The following RAB27A variants were observed in gnomAD, a reference collection of about 807,000 sequenced individuals.
RAB27A encodes the protein RAB27A, member RAS oncogene family, also known as ras-related protein Rab-27A.
In RAB27A, 17 loss-of-function variants were observed where a neutral mutation model predicts 20.8. The ratio of observed to expected loss-of-function variants is 0.82; its 90% confidence interval spans 0.56 to 1.23. The LOEUF (loss-of-function observed/expected upper bound fraction) is 1.23, where lower values mean the gene tolerates loss of function less well. RAB27A is among the 50% of genes most tolerant of loss of function. RAB27A has a pLI of 0.00. For synonymous variants in RAB27A, 85 were observed against 92.8 expected (o/e 0.92, Z 0.48); for missense variants, 277 against 266.7 (o/e 1.04, Z -0.27).
intron 2 of RAB27A, among the ~76,000 whole-genome samples, chr15:55,269,486 C>T (rs1276040577): frequency 1.6e-4 from 24 of 152,156 alleles, no homozygotes; most frequent in Non-Finnish European, 2.4e-4. Flanking sequence ...GTGGCTCATG[C>T]CTGTAATCCC....
chr15:55,205,236 C>G lies in RAB27A; in HGVS notation c.*271G>C. The G allele has an allele frequency of 2.1e-6, 1 of 479,656 alleles. No individual in the cohort carries two copies. The highest frequency in any genetic ancestry group is 3.8e-6 in the Non-Finnish European group (1 of 262,310). The allele number at this position is 479,656 out of a possible 1,614,324, so 29.7% of individuals were successfully genotyped here. On this transcript the variant is annotated 3_prime_UTR_variant, in exon 7 of 7. Coordinates refer to ENST00000336787, the MANE Select transcript of RAB27A (RefSeq NM_183235.3). ...TTCTGTGACTGCAAAATTCTGAATC[C>G]TTGAATGATTTACTATAATAGGCTA... is the stretch of plus-strand genomic sequence containing the variant.
rs150238888 is a variant in RAB27A at position 55,253,579 on chromosome 15, C to T, written c.-23+16586G>A. ...TTAGTCCCCCAAGGCCATACCTTGT[C>T]TCTGTCCTCAGCTAAGCCCAGGATA... On this transcript the variant is annotated intron_variant, in intron 2 of 6. Coordinates refer to ENST00000336787, the MANE Select transcript of RAB27A (RefSeq NM_183235.3). Among the ~76,000 whole-genome samples, 236 of 152,306 alleles carry T rather than the reference C, an allele frequency of 1.5e-3. 1 individual carries two copies. The highest frequency in any genetic ancestry group is 5.5e-3 in the African/African-American group (227 of 41,566).
intron 1 of RAB27A, among the ~76,000 whole-genome samples, chr15:55,279,607 G>A (rs1332497473): frequency 6.6e-6 from 1 of 152,068 alleles, no homozygotes; most frequent in Non-Finnish European, 1.5e-5. Context: ...TGTAAAATAG[G>A]GATAATAATA....
chr15:55,292,416 G>A (rs2054926860), upstream of RAB27A, among the ~76,000 whole-genome samples: 1 of 152,238 alleles, frequency 6.6e-6, no homozygotes, highest in South Asian at 2.1e-4. Flanking sequence ...CTAAGAATGG[G>A]TCTGAGAGGT....
At chr15:55,220,381 T>C (rs189789473) in intron 6 of RAB27A, among the ~76,000 whole-genome samples, 5 of 152,302 alleles carry the variant, frequency 3.3e-5, no homozygotes, top group Admixed American at 1.3e-4. Context: ...GCGATTCTCC[T>C]GCCTCAGCCT....
chr15:55,249,468 AG>A (rs1208966860), intron 2 of RAB27A, among the ~76,000 whole-genome samples: 2 of 152,122 alleles, frequency 1.3e-5, no homozygotes, highest in Non-Finnish European at 2.9e-5. Flanking sequence ...TTGGAAGACA[AG>A]GTGTCACTAT....
chr15:55,204,266 C>T lies in RAB27A; in HGVS notation c.*1241G>A, dbSNP rs1894536724. The T allele has an allele frequency of 6.6e-6, 1 of 152,146 alleles. No individual in the cohort carries two copies. The highest frequency in any genetic ancestry group is 2.4e-5 in the African/African-American group (1 of 41,422). The allele number at this position is 152,146 out of a possible 1,614,324, so 9.4% of individuals were successfully genotyped here. ...TTCCATGAAACATATATTAAAACCA[C>T]CTTTAATTTGGTATGAAGACACTTT... On this transcript the variant is annotated 3_prime_UTR_variant, in exon 7 of 7. Coordinates refer to ENST00000336787, the MANE Select transcript of RAB27A (RefSeq NM_183235.3).
rs542175249 is a variant in RAB27A at position 55,208,284 on chromosome 15, C to T, written c.468-2579G>A. 3.9e-5 allele frequency among the ~76,000 whole-genome samples: 6 copies of T among 152,282 alleles called. No homozygotes were observed. The South Asian group carries it at 6.2e-4, about 16-fold the overall frequency. ...CAATTACACATCATTATAAAAACAT[C>T]TATGTAGTAAAAGTACAACTTCTTG... On this transcript the variant is annotated intron_variant, in intron 6 of 6. Coordinates refer to ENST00000336787, the MANE Select transcript of RAB27A (RefSeq NM_183235.3).
chr15:55,271,066 T>A lies in RAB27A; in HGVS notation c.-142-782A>T, dbSNP rs1174050871. On this transcript the variant is annotated intron_variant, in intron 1 of 6. Coordinates refer to ENST00000336787, the MANE Select transcript of RAB27A (RefSeq NM_183235.3). ...TTTATTATTTCTTAGATGGCTATAA[T>A]AAACCACTTATTTGGTTTTCTGGTC... 2.0e-5 allele frequency among the ~76,000 whole-genome samples: 3 copies of A among 152,248 alleles called. 1 individual carries two copies. Among genetic ancestry groups the A allele is most frequent in the African/African-American group, 7.2e-5 (3 of 41,468 alleles).
chr15:55,304,226 G>C (rs1423311668), intron 2 of RAB27A, among the ~76,000 whole-genome samples: 1 of 151,176 alleles, frequency 6.6e-6, no homozygotes, highest in African/African-American at 2.4e-5. Context: ...ATTAAGGGCG[G>C]TGCAAGATGT....
In RAB27A at chr15:55,234,879, C is replaced by T. The variant is rs768784784; in HGVS notation, c.56G>A (p.Gly19Asp). ...LIKFLALGDSGVGKTSVLYQY... is the reference protein window; with the variant it reads ...LIKFLALGDSDVGKTSVLYQY... ...GTAAAGTACACTGGTCTTCCCTACA[C>T]CAGAGTCTCCCAAAGCTAAAAACTT... The change falls in exon 3 of 7, where the codon GGT becomes GAT. Residue 19 changes from glycine to aspartate, a missense_variant. By Grantham distance (94) the Gly-to-Asp change is moderately conservative. Transcript: ENST00000336787. 2.5e-6 allele frequency: 4 copies of T among 1,612,402 alleles called. No individual in the cohort carries two copies. Among genetic ancestry groups the T allele is most frequent in the Non-Finnish European group, 3.4e-6 (4 of 1,178,960 alleles).
intron 2 of RAB27A, among the ~76,000 whole-genome samples, chr15:55,298,294 T>C (rs1002402224): frequency 6.6e-6 from 1 of 151,202 alleles, no homozygotes; most frequent in African/African-American, 2.4e-5. Flanking sequence ...TCCCTAAGCA[T>C]CGGCCAGCTT....
At chr15:55,313,519 T>C (rs2141147426) in intron 2 of RAB27A, among the ~76,000 whole-genome samples, 1 of 152,340 alleles carries the variant, frequency 6.6e-6, no homozygotes, top group African/African-American at 2.4e-5. Flanking sequence ...TTTTGTAATA[T>C]TAGAATGCTT....
intron 3 of RAB27A, among the ~76,000 whole-genome samples, chr15:55,230,758 T>C (rs1180171027): frequency 1.3e-5 from 2 of 152,216 alleles, no homozygotes; most frequent in Non-Finnish European, 2.9e-5. Context: ...TTACCTTTCC[T>C]CAAAGTTCTC....
chr15:55,291,989 G>A (rs1345492168), upstream of RAB27A, among the ~76,000 whole-genome samples: 3 of 152,156 alleles, frequency 2.0e-5, no homozygotes, highest in Non-Finnish European at 2.9e-5. Flanking sequence ...TGAGGGCAAG[G>A]GGCAAGGGAG....
intron 2 of RAB27A, among the ~76,000 whole-genome samples, chr15:55,250,849 G>C (rs1298933581): frequency 6.6e-6 from 1 of 152,184 alleles, no homozygotes; most frequent in African/African-American, 2.4e-5. Flanking sequence ...GGCCCAGCTG[G>C]TTGCAAACTT....
chr15:55,253,369 C>A (rs1896965413), intron 2 of RAB27A, among the ~76,000 whole-genome samples: 1 of 151,784 alleles, frequency 6.6e-6, no homozygotes, highest in Non-Finnish European at 1.5e-5. Context: ...ATCGCTTGAA[C>A]CAGGGAGGCA....
At chr15:55,222,351 A>G (rs962695244) in intron 6 of RAB27A, among the ~76,000 whole-genome samples, 2 of 152,116 alleles carry the variant, frequency 1.3e-5, no homozygotes, top group African/African-American at 4.8e-5. Flanking sequence ...GCCCTACTCT[A>G]TGTGTTTTTC....
chr15:55,304,698 G>C (rs896954223), intron 2 of RAB27A, among the ~76,000 whole-genome samples: 16 of 151,922 alleles, frequency 1.1e-4, no homozygotes, highest in Admixed American at 9.2e-4. Context: ...TTATCTTCTT[G>C]GCTGAATAAT....
Sources: gnomAD v4.1 joint callset for allele counts (sites outside exome capture counted in the v4.1 genomes callset) on GRCh38, gnomAD v4.1.1 for gene constraint, MANE v1.5 for transcripts, NCBI Gene and HGNC (gene_info 2026-07-23, HGNC 2026-07-21) for gene names.